METTL25: variants seen among roughly 807,000 people sequenced by gnomAD.
METTL25 encodes probable methyltransferase-like protein 25.
A neutral mutation model predicts 71.6 loss-of-function variants in METTL25; 64 were observed. That is an observed-to-expected ratio of 0.89 (90% CI 0.73 to 1.10). The LOEUF is 1.10. Ranked by LOEUF, METTL25 falls within the 50% of genes least tolerant of loss-of-function variation. METTL25 has a pLI of 0.00. For synonymous variants in METTL25, 287 were observed against 250.3 expected (o/e 1.15, Z -1.38); for missense variants, 807 against 707.0 (o/e 1.14, Z -1.60).
intron 8 of METTL25, among the ~76,000 whole-genome samples, chr12:82,450,887 T>C (rs904025669): frequency 6.6e-6 from 1 of 152,186 alleles, no homozygotes; most frequent in African/African-American, 2.4e-5. Flanking sequence ...ATCTTTGAGA[T>C]ATCCACTATT....
chr12:82,358,554 A>C lies in METTL25; in HGVS notation c.-12A>C, dbSNP rs537286915. The C allele has an allele frequency of 6.2e-7, 1 of 1,608,106 alleles. No individual in the cohort carries two copies. The highest frequency in any genetic ancestry group is 1.3e-5 in the African/African-American group (1 of 75,022). On this transcript the variant is annotated 5_prime_UTR_variant, in exon 1 of 12. Transcript: ENST00000248306. ...ATGTTTGCGCCACCTACAGCCTCGG[A>C]GGGTGAGCGTCATGGCGGCTTCTTG...
intron 1 of METTL25, among the ~76,000 whole-genome samples, chr12:82,363,581 G>A (rs1486674918): frequency 6.6e-6 from 1 of 152,094 alleles, no homozygotes. Flanking sequence ...CACTCTGAAG[G>A]GGGGATAGTT....
At chr12:82,397,336 T>C (rs1424247267) in intron 3 of METTL25, among the ~76,000 whole-genome samples, 1 of 152,234 alleles carries the variant, frequency 6.6e-6, no homozygotes, top group East Asian at 1.9e-4. Flanking sequence ...GGGTTACTTG[T>C]CTTCTTACTG....
chr12:82,456,688 A>G, intron 8 of METTL25, 39 bp from the exon 9 acceptor site: 2 of 1,211,784 alleles, frequency 1.7e-6, no homozygotes, highest in Non-Finnish European at 2.4e-6. Flanking sequence ...TAAAATTTAC[A>G]TTGGAAAAAC....
chr12:82,461,870 TAG>T (rs1891902419), intron 9 of METTL25, among the ~76,000 whole-genome samples: 1 of 152,182 alleles, frequency 6.6e-6, no homozygotes, highest in African/African-American at 2.4e-5. Context: ...TAGAATAGAT[TAG>T]AGTTAAAATC....
intron 1 of METTL25, among the ~76,000 whole-genome samples, chr12:82,372,029 G>A (rs1883289697): frequency 6.6e-6 from 1 of 152,112 alleles, no homozygotes; most frequent in African/African-American, 2.4e-5. Context: ...TCATTTACTT[G>A]ACTAAGATAC....
intron 1 of METTL25, among the ~76,000 whole-genome samples, chr12:82,362,245 A>G (rs1882031595): frequency 1.3e-5 from 2 of 152,256 alleles, no homozygotes; most frequent in Admixed American, 6.5e-5. Flanking sequence ...ATAAAAAGCA[A>G]ATATGTTAGA....
intron 5 of METTL25, among the ~76,000 whole-genome samples, chr12:82,425,849 T>A (rs573602539): frequency 6.6e-6 from 1 of 152,178 alleles, no homozygotes; most frequent in South Asian, 2.1e-4. Flanking sequence ...ATAATGATAT[T>A]AACACAAGAA....
At chr12:82,437,425 C>G (rs776306824) in intron 7 of METTL25, among the ~76,000 whole-genome samples, 19 of 151,618 alleles carry the variant, frequency 1.3e-4, no homozygotes, top group Non-Finnish European at 2.2e-4. Context: ...AGTCTGTGTT[C>G]ACTAGCGACT....
At chr12:82,372,853 C>T (rs1315249098) in intron 1 of METTL25, among the ~76,000 whole-genome samples, 3 of 152,136 alleles carry the variant, frequency 2.0e-5, no homozygotes, top group South Asian at 4.1e-4. Flanking sequence ...TAGTTGCACT[C>T]GCCGACGTAG....
intron 5 of METTL25, among the ~76,000 whole-genome samples, chr12:82,413,928 A>C (rs1887752922): frequency 6.6e-6 from 1 of 151,604 alleles, no homozygotes. Context: ...TGTTTCTCCC[A>C]GTTTTATATG....
chr12:82,461,803 A>G (rs1170879834), intron 9 of METTL25, among the ~76,000 whole-genome samples: 1 of 152,232 alleles, frequency 6.6e-6, no homozygotes, highest in African/African-American at 2.4e-5. Flanking sequence ...CTGATGGGAC[A>G]AAACTGACCA....
intron 4 of METTL25, 145 bp downstream of exon 4, chr12:82,399,539 T>G: frequency 1.5e-6 from 1 of 674,076 alleles, no homozygotes; most frequent in Middle Eastern, 4.2e-4. Context: ...CTTTCATTAT[T>G]CCCACACCCA....
intron 5 of METTL25, among the ~76,000 whole-genome samples, chr12:82,429,222 C>T (rs1213776080): frequency 6.6e-6 from 1 of 151,714 alleles, no homozygotes; most frequent in African/African-American, 2.4e-5. Flanking sequence ...CCCTCCCAGC[C>T]TCAAGTAACT....
At chr12:82,432,106 T>C (rs1165570095) in intron 6 of METTL25, among the ~76,000 whole-genome samples, 2 of 151,656 alleles carry the variant, frequency 1.3e-5, no homozygotes, top group Non-Finnish European at 3.0e-5. Flanking sequence ...TAAAATAAAA[T>C]AAAATACAGT....
intron 5 of METTL25, among the ~76,000 whole-genome samples, chr12:82,426,891 A>G (rs199941108): frequency 1.3e-5 from 2 of 152,026 alleles, no homozygotes; most frequent in East Asian, 2.0e-4. Context: ...TCCCTCTACC[A>G]CAACACTTAC....
At chr12:82,419,784 G>A (rs183241032) in intron 5 of METTL25, among the ~76,000 whole-genome samples, 11 of 151,454 alleles carry the variant, frequency 7.3e-5, no homozygotes, top group African/African-American at 2.7e-4. Flanking sequence ...TGGTGCAGTC[G>A]CTATGGAAAA....
At chr12:82,414,778 T>G (rs1004869035) in intron 5 of METTL25, among the ~76,000 whole-genome samples, 4 of 152,058 alleles carry the variant, frequency 2.6e-5, no homozygotes, top group African/African-American at 9.7e-5. Context: ...TAAATCGAGA[T>G]TTTGATACTG....
At chr12:82,378,662 T>G (rs1884128963) in intron 1 of METTL25, among the ~76,000 whole-genome samples, 3 of 152,188 alleles carry the variant, frequency 2.0e-5, no homozygotes, top group African/African-American at 7.2e-5. Flanking sequence ...AAATCCCTTA[T>G]TAGTAATTTA....
Sources: allele counts gnomAD v4.1 joint callset (sites outside exome capture counted in the v4.1 genomes callset), GRCh38; gene constraint gnomAD v4.1.1; transcripts MANE v1.5; gene names NCBI Gene and HGNC (gene_info 2026-07-23, HGNC 2026-07-21).